AKAP6: variants seen among roughly 807,000 people sequenced by gnomAD.
AKAP6 encodes A-kinase anchor protein 6.
A neutral mutation model predicts 188.5 loss-of-function variants in AKAP6; 58 were observed. The observed-to-expected ratio is 0.31, with a 90% confidence interval of 0.25 to 0.38. The LOEUF (loss-of-function observed/expected upper bound fraction) is 0.38, where lower values mean the gene tolerates loss of function less well. Among genes scored for constraint, AKAP6 ranks in the 10% least tolerant of loss-of-function variants. The probability of loss-of-function intolerance (pLI) is 1.00; values close to 1 mark genes in which losing one functional copy is unlikely to be tolerated. For missense variants in AKAP6, 2,710 were observed against 2,740.0 expected (o/e 0.99, Z 0.24); for synonymous variants, 989 against 998.6 (o/e 0.99, Z 0.18).
chr14:32,525,842 A>G (rs532404882), intron 2 of AKAP6, among the ~76,000 whole-genome samples: 1 of 152,326 alleles, frequency 6.6e-6, no homozygotes, highest in South Asian at 2.1e-4. Flanking sequence ...TCCTGCTTCT[A>G]GAAAGATACA....
chr14:32,361,062 A>C lies in AKAP6; in HGVS notation c.-35+31654A>C, dbSNP rs537066058. Among the ~76,000 whole-genome samples, 3 of 149,440 alleles carry C rather than the reference A, an allele frequency of 2.0e-5. 1 individual carries two copies. In the East Asian group the frequency reaches 6.3e-4, roughly 31 times the overall value. ...CTGCACAAGGCCTGAACATACATAT[A>C]TATATATATTTGAGAAGCTTTGGAG... On this transcript the variant is annotated intron_variant, in intron 1 of 13. Transcript: ENST00000280979.
intron 9 of AKAP6, among the ~76,000 whole-genome samples, chr14:32,719,743 A>T (rs1000163199): frequency 6.6e-6 from 1 of 152,176 alleles, no homozygotes; most frequent in African/African-American, 2.4e-5. Flanking sequence ...ATTTTATATC[A>T]TATTAGTTCC....
At chr14:32,599,889 A>G (rs934321002) in intron 6 of AKAP6, among the ~76,000 whole-genome samples, 2 of 152,232 alleles carry the variant, frequency 1.3e-5, no homozygotes, top group African/African-American at 4.8e-5. Flanking sequence ...AGATATCATT[A>G]CAGATATAAG....
rs1316185611 is a variant in AKAP6, at chr14:32,535,594, A to G, written c.365A>G (p.His122Arg). 6.2e-7 allele frequency: 1 copy of G among 1,614,178 alleles called. No individual in the cohort carries two copies. The highest frequency in any genetic ancestry group is 2.2e-5 in the East Asian group (1 of 44,876). ...EDISDHVEQI[H>R]ALLETEFSLK... is the part of the protein sequence containing the mutation. ...ATTTCTGATCATGTTGAGCAAATCC[A>G]TGCCCTCCTTGAAACAGAGTTCTCC... Residue 122 changes from histidine to arginine, a missense_variant, in exon 3 of 14, where the codon CAT (histidine) becomes CGT (arginine). Coordinates refer to ENST00000280979, the MANE Select transcript of AKAP6 (RefSeq NM_004274.5).
intron 12 of AKAP6, among the ~76,000 whole-genome samples, chr14:32,776,712 A>AT (rs1399265204): frequency 6.6e-5 from 10 of 152,134 alleles, no homozygotes; most frequent in African/African-American, 2.4e-4. Flanking sequence ...TTTTTCACAA[A>AT]GTAGCTGAGT....
At chr14:32,570,762 T>C (rs1884441093) in intron 4 of AKAP6, among the ~76,000 whole-genome samples, 1 of 152,214 alleles carries the variant, frequency 6.6e-6, no homozygotes, top group African/African-American at 2.4e-5. Flanking sequence ...GTAGCAACTG[T>C]TTTCTTAACA....
chr14:32,503,233 T>C (rs935039123), intron 2 of AKAP6, among the ~76,000 whole-genome samples: 1 of 152,150 alleles, frequency 6.6e-6, no homozygotes, highest in Admixed American at 6.6e-5. Context: ...ACTTGTTCTA[T>C]GAACTGTGCT....
intron 1 of AKAP6, among the ~76,000 whole-genome samples, chr14:32,378,617 G>C (rs1041006067): frequency 1.3e-5 from 2 of 152,318 alleles, no homozygotes; most frequent in South Asian, 4.1e-4. Flanking sequence ...GTCCTCATGT[G>C]CATGATCTAT....
chr14:32,440,411 A>G (rs1309319629), intron 2 of AKAP6, among the ~76,000 whole-genome samples: 1 of 152,082 alleles, frequency 6.6e-6, no homozygotes, highest in Admixed American at 6.6e-5. Flanking sequence ...GCACACCAAC[A>G]TGGCGAACAT....
In AKAP6 at chr14:32,545,905, A is replaced by G; in HGVS notation, c.1252A>G (p.Lys418Glu). The G allele has an allele frequency of 6.2e-7, 1 of 1,614,202 alleles. No homozygotes were observed. Among genetic ancestry groups the G allele is most frequent in the South Asian group, 1.1e-5 (1 of 91,080 alleles). ...NGGKRQMVDL[K>E]PEMSRSTPSL... is the part of the protein sequence containing the mutation. ...TGGAAAGAGGCAAATGGTTGATCTA[A>G]AGCCTGAGATGAGCAGAAGCACCCC... Residue 418 changes from lysine to glutamate, a missense_variant, in exon 4 of 14, where the codon AAG becomes GAG. Lys to Glu is a moderately conservative substitution (Grantham distance 56). Coordinates refer to ENST00000280979, the MANE Select transcript of AKAP6 (RefSeq NM_004274.5).
chr14:32,747,013 C>G (rs1594905499), intron 11 of AKAP6, among the ~76,000 whole-genome samples: 1 of 152,146 alleles, frequency 6.6e-6, no homozygotes, highest in South Asian at 2.1e-4. Flanking sequence ...CACTGATTTA[C>G]TTTTACAGAA....
chr14:32,622,480 A>C (rs1050269160), intron 7 of AKAP6, among the ~76,000 whole-genome samples: 2 of 152,168 alleles, frequency 1.3e-5, no homozygotes. Flanking sequence ...ACCATAAGCC[A>C]TAAGAAAAAT....
intron 2 of AKAP6, among the ~76,000 whole-genome samples, chr14:32,435,118 C>A (rs1270510801): frequency 2.0e-5 from 3 of 152,198 alleles, no homozygotes; most frequent in African/African-American, 7.2e-5. Flanking sequence ...AGGTCTCCAA[C>A]TCCTTGAGGT....
chr14:32,470,327 T>C (rs1183449969), intron 2 of AKAP6, among the ~76,000 whole-genome samples: 1 of 152,180 alleles, frequency 6.6e-6, no homozygotes, highest in Non-Finnish European at 1.5e-5. Flanking sequence ...GCATTTCTTG[T>C]ATCCCACCCT....
At chr14:32,526,571 G>T (rs1379607404) in intron 2 of AKAP6, among the ~76,000 whole-genome samples, 1 of 152,104 alleles carries the variant, frequency 6.6e-6, no homozygotes, top group Non-Finnish European at 1.5e-5. Flanking sequence ...GTAGAGATGG[G>T]TTTTTGCCAC....
At chr14:32,432,412 A>G (rs1890254333) in intron 1 of AKAP6, among the ~76,000 whole-genome samples, 1 of 152,172 alleles carries the variant, frequency 6.6e-6, no homozygotes, top group Non-Finnish European at 1.5e-5. Context: ...TTTTTGATGA[A>G]TTACACTTAT....
chr14:32,789,653 C>G (rs1273118265), intron 12 of AKAP6, among the ~76,000 whole-genome samples: 5 of 152,060 alleles, frequency 3.3e-5, no homozygotes, highest in East Asian at 1.9e-4. Flanking sequence ...GTGGCCTGAC[C>G]GTTAAAAGAA....
At chr14:32,653,125 T>C (rs1200633134) in intron 7 of AKAP6, among the ~76,000 whole-genome samples, 1 of 152,174 alleles carries the variant, frequency 6.6e-6, no homozygotes, top group Non-Finnish European at 1.5e-5. Context: ...TGTCATAACA[T>C]TTAAAGTGTG....
chr14:32,360,184 G>A (rs969588469), intron 1 of AKAP6, among the ~76,000 whole-genome samples: 9 of 151,662 alleles, frequency 5.9e-5, no homozygotes, highest in Admixed American at 3.9e-4. Flanking sequence ...CTGGAGTGCA[G>A]TGGTGCAATC....
Sources: gnomAD v4.1 joint callset for allele counts (sites outside exome capture counted in the v4.1 genomes callset) on GRCh38, gnomAD v4.1.1 for gene constraint, MANE v1.5 for transcripts, NCBI Gene and HGNC (gene_info 2026-07-23, HGNC 2026-07-21) for gene names.